CHL1: variants seen among roughly 807,000 people sequenced by gnomAD.
The protein encoded by CHL1 is neural cell adhesion molecule L1-like protein.
Under a neutral mutation model 141.9 loss-of-function variants are expected in CHL1, and 96 were observed. That is an observed-to-expected ratio of 0.68 (90% confidence interval 0.57 to 0.80). The LOEUF (loss-of-function observed/expected upper bound fraction) is 0.80, where lower values mean the gene tolerates loss of function less well. Ranked by LOEUF, CHL1 falls within the 30% of genes least tolerant of loss-of-function variation. The pLI, the probability that CHL1 is intolerant of heterozygous loss-of-function variation, is 0.00. For missense variants in CHL1, 1,820 were observed against 1,457.2 expected, an observed-to-expected ratio of 1.25 and a Z score of -4.05; for synonymous variants, 613 against 502.2, an observed-to-expected ratio of 1.22 and a Z score of -2.95.
chr3:347,448 G>A (rs1175479193), intron 9 of CHL1, among the ~76,000 whole-genome samples: 1 of 152,084 alleles, frequency 6.6e-6, no homozygotes, highest in African/African-American at 2.4e-5. Flanking sequence ...TTTTGCCATG[G>A]TATAGACCTA....
At chr3:226,421 T>C (rs1410481122) in intron 1 of CHL1, among the ~76,000 whole-genome samples, 1 of 147,098 alleles carries the variant, frequency 6.8e-6, no homozygotes, top group African/African-American at 2.5e-5. Context: ...TATACACACA[T>C]ATATATTTTT....
At position 408,632 on chromosome 3, in the gene CHL1, C is replaced by T. The variant is rs979825740; in HGVS notation, c.*2921C>T. 1 of 151,986 alleles carries T rather than the reference C, an allele frequency of 6.6e-6. No individual in the cohort carries two copies. Among genetic ancestry groups the T allele is most frequent in the Non-Finnish European group, 1.5e-5 (1 of 67,972 alleles). 9.4% of individuals were successfully genotyped at this position (151,986 alleles called of 1,614,324 possible). A position where few individuals can be genotyped will look rare whatever the true frequency, so the allele number is the denominator to read the frequency against. ...CCCACATACCAACTCAACTTTTTTCCTGTGAACACATAAATATATTTTTAT... is the reference window on the plus strand; with the variant it reads ...CCCACATACCAACTCAACTTTTTTCTTGTGAACACATAAATATATTTTTAT... On this transcript the variant is annotated 3_prime_UTR_variant, in exon 28 of 28. Coordinates refer to ENST00000256509, the MANE Select transcript of CHL1 (RefSeq NM_006614.4).
chr3:384,127 A>C (rs1440822849), intron 19 of CHL1, among the ~76,000 whole-genome samples: 1 of 152,214 alleles, frequency 6.6e-6, no homozygotes, highest in Non-Finnish European at 1.5e-5. Context: ...ATTTAGTTGT[A>C]ATACATTACC....
At chr3:250,981 C>A (rs1333093449) in intron 2 of CHL1, among the ~76,000 whole-genome samples, 58 of 152,104 alleles carry the variant, frequency 3.8e-4, no homozygotes, top group Non-Finnish European at 6.9e-4. Flanking sequence ...AGACACAGTT[C>A]TTATCCTCAT....
At chr3:218,982 A>G (rs1421785756) in intron 1 of CHL1, among the ~76,000 whole-genome samples, 1 of 152,018 alleles carries the variant, frequency 6.6e-6, no homozygotes, top group Non-Finnish European at 1.5e-5. Flanking sequence ...CCGTCAGTAA[A>G]TAAAAAATAC....
At chr3:348,415 C>T (rs1415460076) in intron 9 of CHL1, among the ~76,000 whole-genome samples, 1 of 152,156 alleles carries the variant, frequency 6.6e-6, no homozygotes, top group African/African-American at 2.4e-5. Context: ...CTTATAGAAC[C>T]TGACTGGGGA....
At chr3:336,473 A>G (rs17029414) in intron 5 of CHL1, among the ~76,000 whole-genome samples, 3,216 of 152,232 alleles carry the variant, frequency 0.021, 108 homozygotes, top group African/African-American at 0.074. Context: ...TGTTGGCATG[A>G]TGGGATTACA....
intron 2 of CHL1, among the ~76,000 whole-genome samples, chr3:291,275 C>T (rs1697671028): frequency 6.6e-6 from 1 of 152,042 alleles, no homozygotes. Flanking sequence ...AAAACTTAAA[C>T]TCATAATGAT....
chr3:320,279 A>T (rs1575058821), intron 3 of CHL1, among the ~76,000 whole-genome samples: 1 of 152,084 alleles, frequency 6.6e-6, no homozygotes, highest in Non-Finnish European at 1.5e-5. Flanking sequence ...CTTTTTCAAA[A>T]TGATTATATT....
intron 2 of CHL1, among the ~76,000 whole-genome samples, chr3:285,890 G>A (rs1483493673): frequency 1.3e-5 from 2 of 152,122 alleles, no homozygotes; most frequent in African/African-American, 4.8e-5. Context: ...TGGTTGCAAT[G>A]AGAGAGAAAG....
rs554384083 is a variant in CHL1 at position 369,841 on chromosome 3, A to G, written c.1751+3726A>G. On this transcript the variant is annotated intron_variant, in intron 15 of 27. Coordinates refer to ENST00000256509, the MANE Select transcript of CHL1 (RefSeq NM_006614.4). ...GAATTTTATCAAAGGCCTTTTCTGC[A>G]TCTATTGAGATAATCATGTGGATTT... Among the ~76,000 whole-genome samples the G allele has an allele frequency of 7.6e-4, 116 of 152,356 alleles. 1 individual carries two copies. The highest frequency in any genetic ancestry group is 1.5e-3 in the East Asian group (8 of 5,190).
chr3:340,027 TA>T (rs1353034127), intron 5 of CHL1, among the ~76,000 whole-genome samples: 4 of 152,304 alleles, frequency 2.6e-5, no homozygotes, highest in Admixed American at 1.3e-4. Flanking sequence ...TGAATATCCT[TA>T]TAAATATCAA....
chr3:244,522 C>A (rs1393867077), intron 1 of CHL1, 91 bp from the exon 2 acceptor site: 1 of 151,772 alleles, frequency 6.6e-6, no homozygotes, highest in African/African-American at 2.4e-5. Context: ...AAATTAAATC[C>A]ATTTTTTTAA....
chr3:237,134 T>C (rs1259580790), intron 1 of CHL1, among the ~76,000 whole-genome samples: 1 of 152,168 alleles, frequency 6.6e-6, no homozygotes, highest in Non-Finnish European at 1.5e-5. Context: ...CAAATTGTAA[T>C]CCCCATGTGT....
chr3:354,903 G>C, intron 11 of CHL1, 132 bp downstream of exon 11: 1 of 1,140,068 alleles, frequency 8.8e-7, no homozygotes, highest in Non-Finnish European at 1.2e-6. Context: ...GCAAATCAGA[G>C]ATTGTTTATT....
intron 11 of CHL1, among the ~76,000 whole-genome samples, chr3:357,870 G>A (rs1703855806): frequency 6.6e-6 from 1 of 152,198 alleles, no homozygotes; most frequent in South Asian, 2.1e-4. Context: ...AGAACTAAAT[G>A]GGAGGATGGC....
rs143907501 is a variant in CHL1 at position 366,102 on chromosome 3, A to G, written c.1738A>G (p.Thr580Ala). The change falls in exon 15 of 28, where the codon ACA becomes GCA. Residue 580 changes from threonine to alanine, a missense_variant. Physicochemically the swap from Thr to Ala is moderately conservative, Grantham distance 58. Transcript: ENST00000256509. ...TGGAGAAGCCTTTGAAATTAATGGCACAGAAGATGGCAGGTAGGTAAACTA... is the reference window on the plus strand; with the variant it reads ...TGGAGAAGCCTTTGAAATTAATGGCGCAGAAGATGGCAGGTAGGTAAACTA... ...KDGEAFEINGTEDGRIIIDGA... is the reference protein window; with the variant it reads ...KDGEAFEINGAEDGRIIIDGA... The G allele has an allele frequency of 4.9e-5, 79 of 1,613,524 alleles. No homozygotes were observed. The highest frequency in any genetic ancestry group is 6.6e-5 in the Non-Finnish European group (78 of 1,179,766).
chr3:373,115 G>A (rs1456333150), intron 15 of CHL1, among the ~76,000 whole-genome samples: 1 of 152,198 alleles, frequency 6.6e-6, no homozygotes, highest in Non-Finnish European at 1.5e-5. Context: ...ATCTAATAAA[G>A]CACTTTGTCC....
rs1575133147 is a variant in CHL1 at position 349,264 on chromosome 3, A to G, written c.849-95A>G. 6 of 1,082,954 alleles carry G rather than the reference A, an allele frequency of 5.5e-6. No individual in the cohort carries two copies. The East Asian group carries it at 1.5e-4, about 28-fold the overall frequency. The allele number at this position is 1,082,954 out of a possible 1,614,324, so 67.1% of individuals were successfully genotyped here. Reference sequence around the variant, plus strand: ...TTCAGTGGAATATGAGCACATGTGTAAAAGCACCCTGATAAAGGATGTGTC... The same window carrying G: ...TTCAGTGGAATATGAGCACATGTGTGAAAGCACCCTGATAAAGGATGTGTC... On this transcript the variant is annotated intron_variant, in intron 9 of 27. Coordinates refer to ENST00000256509, the MANE Select transcript of CHL1 (RefSeq NM_006614.4).
Sources: gnomAD v4.1 joint callset for allele counts (sites outside exome capture counted in the v4.1 genomes callset) on GRCh38, gnomAD v4.1.1 for gene constraint, MANE v1.5 for transcripts, NCBI Gene and HGNC (gene_info 2026-07-23, HGNC 2026-07-21) for gene names.